KDM5B: variants seen among roughly 807,000 people sequenced by gnomAD.
The protein encoded by KDM5B is lysine-specific demethylase 5B.
Under a neutral mutation model 193.4 loss-of-function variants are expected in KDM5B, and 144 were observed. That is an observed-to-expected ratio of 0.74 (90% CI 0.65 to 0.86). The LOEUF (loss-of-function observed/expected upper bound fraction) is 0.86. Among genes scored for constraint, KDM5B ranks in the 40% least tolerant of loss-of-function variants. The pLI, the probability that KDM5B is intolerant of heterozygous loss-of-function variation, is 0.00. For missense variants in KDM5B, 1,833 were observed against 1,886.9 expected (o/e 0.97, Z 0.53); for synonymous variants, 668 against 682.6 (o/e 0.98, Z 0.33).
chr1:202,736,281 C>A lies in KDM5B; in HGVS notation c.3196G>T (p.Val1066Phe). The A allele has an allele frequency of 6.2e-7, 1 of 1,612,486 alleles. No individual in the cohort carries two copies. The highest frequency in any genetic ancestry group is 8.5e-7 in the Non-Finnish European group (1 of 1,179,278). The change falls in exon 21 of 27, where the codon GTT becomes TTT. Residue 1066 changes from valine (V) to phenylalanine (F), a missense_variant. Physicochemically the swap from Val to Phe is conservative, Grantham distance 50 (BLOSUM62 -1). Transcript: ENST00000367265. ...LPRLETLVAEVQAWKECAVNT... is the reference protein window; with the variant it reads ...LPRLETLVAEFQAWKECAVNT... ...ACAGCACATTCTTTCCAAGCCTGAA[C>A]CTCAGCTACTAGGGTTTCCAGTCTT...
intron 20 of KDM5B, among the ~76,000 whole-genome samples, chr1:202,739,526 G>A (rs895977026): frequency 2.6e-5 from 4 of 151,472 alleles, no homozygotes; most frequent in Admixed American, 2.0e-4. Context: ...TCGCAGAGGG[G>A]GAGTTGGCAG....
chr1:202,799,834 T>C (rs1658003034), intron 1 of KDM5B, among the ~76,000 whole-genome samples: 1 of 152,196 alleles, frequency 6.6e-6, no homozygotes, highest in Non-Finnish European at 1.5e-5. Flanking sequence ...AAGGTCATTA[T>C]GTGACCACCT....
rs1428116598 is a variant in KDM5B, at chr1:202,741,537, T to C, written c.2775A>G (p.Gln925=). ...TAAGGGAGCTGGGGTCTAGGCAAGC[T>C]TGCTGCACCTCTTCTAGCCAACGGG... ...EQARWLEEVQ[Q]ACLDPSSLTL... The change falls in exon 19 of 27, where the codon CAA becomes CAG. Residue 925 remains glutamine (Q), a synonymous_variant. Coordinates refer to ENST00000367265, the MANE Select transcript of KDM5B (RefSeq NM_006618.5). 1.2e-6 allele frequency: 2 copies of C among 1,614,250 alleles called. No individual in the cohort carries two copies. The highest frequency in any genetic ancestry group is 2.2e-5 in the East Asian group (1 of 44,888).
rs1558477254 is a variant in KDM5B at position 202,729,850 on chromosome 1, C to A, written c.4354G>T (p.Glu1452Ter). 1 of 1,614,196 alleles carries A rather than the reference C, an allele frequency of 6.2e-7. No homozygotes were observed. Among genetic ancestry groups the A allele is most frequent in the African/African-American group, 1.3e-5 (1 of 75,044 alleles). The change falls in exon 26 of 27, where the codon GAG becomes TAG. Residue 1452 changes from glutamate to a stop codon, truncating the protein, a stop_gained. Transcript: ENST00000367265. LOFTEE classifies it high-confidence loss of function. Reference protein sequence around the residue: ...HPKDMNNFKLERERSYELVRS... With the variant: ...HPKDMNNFKL ...ACTAATTCATAGCTACGCTCTCTCT[C>A]TAACTTGAAATTGTTCATGTCCTTG...
At chr1:202,763,969 T>G in intron 6 of KDM5B, 80 bp downstream of exon 6, 1 of 816,294 alleles carries the variant, frequency 1.2e-6, no homozygotes, top group African/African-American at 1.8e-5. Context: ...TCTATTGAAT[T>G]TTCAGCTTAT....
intron 22 of KDM5B, among the ~76,000 whole-genome samples, chr1:202,734,952 A>G (rs1053891224): frequency 7.2e-5 from 11 of 152,238 alleles, no homozygotes; most frequent in African/African-American, 2.7e-4. Flanking sequence ...CTTAATGTGT[A>G]ACATTAGTTA....
intron 23 of KDM5B, among the ~76,000 whole-genome samples, chr1:202,732,335 T>C (rs1204201010): frequency 6.6e-6 from 1 of 152,168 alleles, no homozygotes; most frequent in Non-Finnish European, 1.5e-5. Flanking sequence ...TCAGAAATCA[T>C]CCATAACCAC....
chr1:202,797,816 AAG>A (rs1272367123), intron 1 of KDM5B, among the ~76,000 whole-genome samples: 3 of 152,270 alleles, frequency 2.0e-5, no homozygotes, highest in Non-Finnish European at 4.4e-5. Context: ...TGCACTACAT[AAG>A]ACACACAAAT....
At chr1:202,794,427 T>C (rs1657758280) in intron 1 of KDM5B, among the ~76,000 whole-genome samples, 1 of 152,232 alleles carries the variant, frequency 6.6e-6, no homozygotes, top group Non-Finnish European at 1.5e-5. Flanking sequence ...AATCAAGTGC[T>C]TGAAACACAC....
At chr1:202,739,892 C>T (rs1655239903) in intron 20 of KDM5B, among the ~76,000 whole-genome samples, 1 of 152,230 alleles carries the variant, frequency 6.6e-6, no homozygotes, top group Non-Finnish European at 1.5e-5. Context: ...ACAGACACGG[C>T]AACCATCCGA....
intron 5 of KDM5B, among the ~76,000 whole-genome samples, chr1:202,765,844 C>T (rs1437690256): frequency 2.0e-5 from 3 of 151,998 alleles, no homozygotes; most frequent in African/African-American, 7.3e-5. Flanking sequence ...TAAACAGTTC[C>T]CTATATATTA....
Position 202,760,426 on chromosome 1 carries a change from A to C in KDM5B, c.1066T>G (p.Cys356Gly). 1 of 1,607,242 alleles carries C rather than the reference A, an allele frequency of 6.2e-7. No individual in the cohort carries two copies. Among genetic ancestry groups the C allele is most frequent in the Non-Finnish European group, 8.5e-7 (1 of 1,177,018 alleles). Residue 356 changes from cysteine (C) to glycine (G), a missense_variant, in exon 8 of 27, where the codon TGT becomes GGT. Physicochemically the swap from Cys to Gly is radical, Grantham distance 159 (BLOSUM62 -3). This residue lies in a region of KDM5B where 99 missense variants were observed against 162.4 expected (regional missense o/e 0.61). Transcript: ENST00000367265. ...CTATTAATTATTACCTGAGCCAAAC[A>C]CTTAGGACACCTCCAGTCTCCCTTG... ...VPKGDWRCPK[C>G]LAQECSKPQE... is the part of the protein sequence containing the mutation.
Position 202,733,717 on chromosome 1 carries a change from G to T in KDM5B, c.3593C>A (p.Ala1198Asp), listed in dbSNP as rs1193440479. ...TACCGCCACACAACTGGTGTGGAAA[G>T]CATCCCTGCAGAGTTCACATTGAAT... is the stretch of plus-strand genomic sequence containing the variant. ...PMIQCELCRDAFHTSCVAVPS... is the reference protein window; with the variant it reads ...PMIQCELCRDDFHTSCVAVPS... Residue 1198 changes from alanine to aspartate, a missense_variant, in exon 23 of 27, where the codon GCT (alanine) becomes GAT (aspartate). Physicochemically the swap from Ala to Asp is moderately radical, Grantham distance 126. Coordinates refer to ENST00000367265, the MANE Select transcript of KDM5B (RefSeq NM_006618.5). The T allele has an allele frequency of 6.2e-7, 1 of 1,614,138 alleles. No homozygotes were observed. The highest frequency in any genetic ancestry group is 1.1e-5 in the South Asian group (1 of 91,086).
intron 11 of KDM5B, 63 bp downstream of exon 11, chr1:202,755,208 G>A: frequency 7.5e-7 from 1 of 1,340,936 alleles, no homozygotes; most frequent in Non-Finnish European, 1.1e-6. Flanking sequence ...CATCTGCACT[G>A]AAAAGGAAAG....
chr1:202,725,247 T>C lies in KDM5B; in HGVS notation c.*3789A>G, dbSNP rs1298873263. 1 of 152,230 alleles carries C rather than the reference T, an allele frequency of 6.6e-6. No homozygotes were observed. Among genetic ancestry groups the C allele is most frequent in the African/African-American group, 2.4e-5 (1 of 41,456 alleles). The allele number at this position is 152,230 out of a possible 1,614,324, so 9.4% of individuals were successfully genotyped here. A position where few individuals can be genotyped will look rare whatever the true frequency, so the allele number is the denominator to read the frequency against. ...AGGTGTATTCCTATGTAAGCAATATTGAAACATGAAAAACTTGTTCACATA... is the reference window on the plus strand; with the variant it reads ...AGGTGTATTCCTATGTAAGCAATATCGAAACATGAAAAACTTGTTCACATA... On this transcript the variant is annotated 3_prime_UTR_variant, in exon 27 of 27. Coordinates refer to ENST00000367265, the MANE Select transcript of KDM5B (RefSeq NM_006618.5).
intron 14 of KDM5B, among the ~76,000 whole-genome samples, chr1:202,747,719 T>C (rs1252975637): frequency 1.3e-5 from 2 of 152,008 alleles, no homozygotes; most frequent in Non-Finnish European, 2.9e-5. Flanking sequence ...ATACTAGCAA[T>C]AAACAATTAG....
chr1:202,755,203 G>C, intron 11 of KDM5B, 68 bp downstream of exon 11: 1 of 1,199,640 alleles, frequency 8.3e-7, no homozygotes, highest in Non-Finnish European at 1.2e-6. Context: ...AGACACATCT[G>C]CACTGAAAAG....
At position 202,741,686 on chromosome 1, in the gene KDM5B, T is replaced by C; in HGVS notation, c.2626A>G (p.Ser876Gly). Reference protein sequence around the residue: ...LNRVEDFQQHSQKLLSEETPS... With the variant: ...LNRVEDFQQHGQKLLSEETPS... ...GTTTCCTCAGAGAGTAGTTTCTGAC[T>C]ATGCTGTTGAAAATCTTCTACACGA... The change falls in exon 19 of 27, where the codon AGT becomes GGT. Residue 876 changes from serine (S) to glycine (G), a missense_variant. By Grantham distance (56) the Ser-to-Gly change is moderately conservative (BLOSUM62 0). Coordinates refer to ENST00000367265, the MANE Select transcript of KDM5B (RefSeq NM_006618.5). 1 of 1,611,892 alleles carries C rather than the reference T, an allele frequency of 6.2e-7. No individual in the cohort carries two copies. The highest frequency in any genetic ancestry group is 8.5e-7 in the Non-Finnish European group (1 of 1,178,620).
chr1:202,770,432 C>T (rs1290642425), intron 4 of KDM5B, among the ~76,000 whole-genome samples: 1 of 152,124 alleles, frequency 6.6e-6, no homozygotes, highest in Non-Finnish European at 1.5e-5. Flanking sequence ...CTGTACACCT[C>T]TGTTTTTCTT....
Sources: gnomAD v4.1 joint callset for allele counts (sites outside exome capture counted in the v4.1 genomes callset) on GRCh38, gnomAD v4.1.1 for gene constraint, gnomAD v4.1.1 regional missense constraint, MANE v1.5 for transcripts, NCBI Gene and HGNC (gene_info 2026-07-23, HGNC 2026-07-21) for gene names.